The following SQSTM1 variants were observed in gnomAD, a reference collection of about 807,000 sequenced individuals.
The protein encoded by SQSTM1 is sequestosome-1.
In SQSTM1, 36 loss-of-function variants were observed where a neutral mutation model predicts 45.1. The ratio of observed to expected loss-of-function variants is 0.80; its 90% CI spans 0.61 to 1.05. The LOEUF is 1.05. Ranked by LOEUF, SQSTM1 falls within the 50% of genes least tolerant of loss-of-function variation. The probability of loss-of-function intolerance (pLI) is 0.00; values close to 1 mark genes in which losing one functional copy is unlikely to be tolerated. For synonymous variants in SQSTM1, 290 were observed against 244.3 expected (o/e 1.19, Z -1.74); for missense variants, 617 against 607.1 (o/e 1.02, Z -0.17).
chr5:179,827,308 CT>C (rs199693608), intron 5 of SQSTM1, among the ~76,000 whole-genome samples: 1 of 151,668 alleles, frequency 6.6e-6, no homozygotes, highest in Non-Finnish European at 1.5e-5. Context: ...GCTCAGATGT[CT>C]TTTTTTTTCT....
At chr5:179,821,649 A>T (rs1481497152) in intron 1 of SQSTM1, 2 of 405,468 alleles carry the variant, frequency 4.9e-6, no homozygotes, top group Non-Finnish European at 5.0e-6. Flanking sequence ...GGGACTCGCG[A>T]GCGCCGCGAC....
upstream of SQSTM1, among the ~76,000 whole-genome samples, chr5:179,817,747 C>T (rs1031389455): frequency 6.6e-6 from 1 of 152,188 alleles, no homozygotes; most frequent in East Asian, 1.9e-4. Context: ...GGGTGGCTCA[C>T]GCCTGCAGTC....
chr5:179,836,746 A>G lies in SQSTM1; in HGVS notation c.*153A>G, dbSNP rs1200072391. On this transcript the variant is annotated 3_prime_UTR_variant, in exon 8 of 8. Transcript: ENST00000389805. Reference sequence around the variant, plus strand: ...AGAAGCCATTTAGGGCAGCAAAACAAGTGACATGAAGGGAGGGTCCCTGTG... The same window carrying G: ...AGAAGCCATTTAGGGCAGCAAAACAGGTGACATGAAGGGAGGGTCCCTGTG... The G allele has an allele frequency of 8.9e-7, 1 of 1,128,024 alleles. No individual in the cohort carries two copies. Among genetic ancestry groups the G allele is most frequent in the Non-Finnish European group, 1.3e-6 (1 of 754,678 alleles). 69.9% of individuals were successfully genotyped at this position (1,128,024 alleles called of 1,614,324 possible).
intron 5 of SQSTM1, among the ~76,000 whole-genome samples, chr5:179,831,928 C>A (rs968017005): frequency 6.6e-6 from 1 of 151,930 alleles, no homozygotes; most frequent in African/African-American, 2.4e-5. Context: ...AGACTACAGG[C>A]GATTGCCACC....
Position 179,837,951 on chromosome 5 carries a change from G to T in SQSTM1, c.*1358G>T. The T allele has an allele frequency of 6.7e-7, 1 of 1,495,620 alleles. No homozygotes were observed. Among genetic ancestry groups the T allele is most frequent in the South Asian group, 1.2e-5 (1 of 81,568 alleles). The allele number at this position is 1,495,620 out of a possible 1,614,324, so 92.6% of individuals were successfully genotyped here. A position where few individuals can be genotyped will look rare whatever the true frequency, so the allele number is the denominator to read the frequency against. ...ATGCCAGGGCCCAGGAGGACCGCCTGCCCTGCCTGGGCCTTGGCTGGGCCT... is the reference window on the plus strand; with the variant it reads ...ATGCCAGGGCCCAGGAGGACCGCCTTCCCTGCCTGGGCCTTGGCTGGGCCT... On this transcript the variant is annotated 3_prime_UTR_variant, in exon 8 of 8. Coordinates refer to ENST00000389805, the MANE Select transcript of SQSTM1 (RefSeq NM_003900.5).
At chr5:179,828,237 C>T (rs777346744) in intron 5 of SQSTM1, among the ~76,000 whole-genome samples, 6 of 152,116 alleles carry the variant, frequency 3.9e-5, no homozygotes, top group Admixed American at 1.3e-4. Context: ...TGGAGAGATC[C>T]TAATTCTATA....
chr5:179,823,764 G>A (rs931325768), intron 2 of SQSTM1, 94 bp from the exon 3 acceptor site: 1 of 1,370,568 alleles, frequency 7.3e-7, no homozygotes, highest in African/African-American at 1.4e-5. Flanking sequence ...AGCAGGGCCG[G>A]GGGCCTTGCT....
intron 1 of SQSTM1, among the ~76,000 whole-genome samples, chr5:179,808,750 C>T (rs1041705267): frequency 1.3e-5 from 2 of 152,102 alleles, no homozygotes; most frequent in African/African-American, 2.4e-5. Flanking sequence ...CTCATCAGTT[C>T]AAGACCAGCC....
At chr5:179,825,098 A>G (rs1360739491) in intron 4 of SQSTM1, 48 bp from the exon 5 acceptor site, 2 of 1,580,418 alleles carry the variant, frequency 1.3e-6, no homozygotes, top group East Asian at 4.5e-5. Context: ...TGTGACAGGT[A>G]TCCAAGGCAT....
chr5:179,819,796 G>A (rs931735348), upstream of SQSTM1, among the ~76,000 whole-genome samples: 3 of 152,180 alleles, frequency 2.0e-5, no homozygotes, highest in African/African-American at 7.2e-5. Context: ...GAGCCCTCCG[G>A]GAAGGATCAT....
intron 7 of SQSTM1, among the ~76,000 whole-genome samples, chr5:179,834,293 G>A (rs1037146461): frequency 1.7e-4 from 25 of 151,198 alleles, no homozygotes; most frequent in African/African-American, 5.4e-4. Context: ...CATGGCAGCC[G>A]TGTGTAAACC....
At chr5:179,830,078 C>T (rs1286671444) in intron 5 of SQSTM1, among the ~76,000 whole-genome samples, 2 of 152,134 alleles carry the variant, frequency 1.3e-5, no homozygotes, top group African/African-American at 4.8e-5. Flanking sequence ...CACTGCACTC[C>T]ATCCTGGGAG....
intron 1 of SQSTM1, 45 bp from the exon 2 acceptor site, chr5:179,822,913 C>A: frequency 6.5e-7 from 1 of 1,548,988 alleles, no homozygotes; most frequent in Non-Finnish European, 8.9e-7. Flanking sequence ...TTATGTCCAG[C>A]TGAGAACCCC....
At chr5:179,834,340 G>A (rs1334565300) in intron 7 of SQSTM1, among the ~76,000 whole-genome samples, 1 of 152,248 alleles carries the variant, frequency 6.6e-6, no homozygotes, top group East Asian at 1.9e-4. Context: ...GGCCGCCGCT[G>A]TGTGTCTTCT....
chr5:179,836,151 A>G (rs909650228), intron 7 of SQSTM1: 3 of 550,086 alleles, frequency 5.5e-6, no homozygotes, highest in Non-Finnish European at 9.8e-6. Context: ...TTTTAAAATC[A>G]AAAGATGTGA....
chr5:179,834,137 C>T (rs1582023344), intron 7 of SQSTM1, among the ~76,000 whole-genome samples: 1 of 128,080 alleles, frequency 7.8e-6, no homozygotes, highest in Non-Finnish European at 1.6e-5. Context: ...AGTGCCGCCT[C>T]AGGGAGTGCT....
At chr5:179,817,343 C>CT (rs1161873485), upstream of SQSTM1, among the ~76,000 whole-genome samples, 1 of 152,200 alleles carries the variant, frequency 6.6e-6, no homozygotes, top group Non-Finnish European at 1.5e-5. Context: ...TCCATCCCTC[C>CT]CCCCTTTTCC....
rs777431896 is a variant in SQSTM1, at chr5:179,833,220, G to A, written c.943G>A (p.Ala315Thr). ...QSLAEQMRKI[A>T]LESEGRPEEQ... Reference sequence around the variant, plus strand: ...TCTGGCGGAGCAGATGAGGAAGATCGCCTTGGAGTCCGAGGGGCGCCCTGA... The same window carrying A: ...TCTGGCGGAGCAGATGAGGAAGATCACCTTGGAGTCCGAGGGGCGCCCTGA... Residue 315 changes from alanine to threonine, a missense_variant, in exon 6 of 8, where the codon GCC becomes ACC. By Grantham distance (58) the Ala-to-Thr change is moderately conservative. Transcript: ENST00000389805. 54 of 1,603,150 alleles carry A rather than the reference G, an allele frequency of 3.4e-5. 1 individual carries two copies. The highest frequency in any genetic ancestry group is 2.0e-4 in the East Asian group (9 of 44,374).
intron 1 of SQSTM1, 117 bp from the exon 2 acceptor site, chr5:179,822,841 G>A (rs1757833748): frequency 1.2e-6 from 1 of 849,656 alleles, no homozygotes; most frequent in African/African-American, 1.7e-5. Context: ...GCTCAAGTAG[G>A]TGTGTTTGTT....
Sources: allele counts gnomAD v4.1 joint callset (sites outside exome capture counted in the v4.1 genomes callset), GRCh38; gene constraint gnomAD v4.1.1; transcripts MANE v1.5; gene names NCBI Gene and HGNC (gene_info 2026-07-23, HGNC 2026-07-21).